Variants in L3MBTL4 observed in about 807,000 individuals in gnomAD.
L3MBTL4 encodes the protein L3MBTL histone methyl-lysine binding protein 4, also known as lethal(3)malignant brain tumor-like protein 4.
L3MBTL4 carries 70 observed loss-of-function variants against 84.5 expected under a neutral mutation model. That is an observed-to-expected ratio of 0.83 (90% confidence interval 0.68 to 1.01). The LOEUF is 1.01. L3MBTL4 is among the 50% of genes least tolerant of loss of function. L3MBTL4 has a pLI of 0.00. For missense variants in L3MBTL4, 715 were observed against 754.8 expected, an observed-to-expected ratio of 0.95 and a Z score of 0.62; for synonymous variants, 274 against 259.8, an observed-to-expected ratio of 1.05 and a Z score of -0.52.
intron 16 of L3MBTL4, among the ~76,000 whole-genome samples, chr18:6,063,531 G>GT (rs1434410366): frequency 6.6e-6 from 1 of 151,474 alleles, no homozygotes; most frequent in Non-Finnish European, 1.5e-5. Context: ...AACATCTATT[G>GT]TTTTTTTGAC....
intron 1 of L3MBTL4, among the ~76,000 whole-genome samples, chr18:6,349,545 T>C (rs2053079853): frequency 6.6e-6 from 1 of 151,848 alleles, no homozygotes; most frequent in African/African-American, 2.4e-5. Context: ...GAGCAACACA[T>C]TGAGAACCTG....
chr18:6,384,580 G>A (rs945081917), intron 1 of L3MBTL4, among the ~76,000 whole-genome samples: 2 of 152,106 alleles, frequency 1.3e-5, no homozygotes, highest in South Asian at 2.1e-4. Context: ...TAACAATGCC[G>A]CAATGATTTT....
chr18:6,385,065 A>C (rs929655911), intron 1 of L3MBTL4, among the ~76,000 whole-genome samples: 5 of 152,166 alleles, frequency 3.3e-5, no homozygotes, highest in Non-Finnish European at 5.9e-5. Flanking sequence ...CGTAAGTTCA[A>C]AGCAAAATAT....
chr18:6,253,760 A>G (rs1270025543), intron 5 of L3MBTL4, among the ~76,000 whole-genome samples: 1 of 152,194 alleles, frequency 6.6e-6, no homozygotes. Context: ...TTTTCATCAT[A>G]AAAGTCTATT....
At chr18:5,995,880 C>T (rs559420332) in intron 16 of L3MBTL4, among the ~76,000 whole-genome samples, 2 of 152,262 alleles carry the variant, frequency 1.3e-5, no homozygotes, top group African/African-American at 4.8e-5. Flanking sequence ...CGCTACTTAG[C>T]AACGCTGTCT....
intron 16 of L3MBTL4, among the ~76,000 whole-genome samples, chr18:6,042,918 AAT>A (rs2056463769): frequency 1.3e-5 from 2 of 152,136 alleles, no homozygotes; most frequent in Middle Eastern, 3.2e-3. Context: ...GGCCTCTCAA[AAT>A]GGTACACATT....
intron 15 of L3MBTL4, among the ~76,000 whole-genome samples, chr18:6,086,258 G>A (rs762053771): frequency 1.3e-5 from 2 of 152,090 alleles, no homozygotes; most frequent in African/African-American, 4.8e-5. Context: ...TCTGGGGTGC[G>A]GGAACACTAA....
intron 16 of L3MBTL4, among the ~76,000 whole-genome samples, chr18:6,021,878 C>A (rs891582830): frequency 5.3e-5 from 8 of 152,138 alleles, no homozygotes; most frequent in Non-Finnish European, 1.2e-4. Context: ...TCTAGTCCTT[C>A]CCTTCTACCT....
chr18:6,391,752 A>AACAACAACTACT (rs1555755552), intron 1 of L3MBTL4, among the ~76,000 whole-genome samples: 37 of 150,006 alleles, frequency 2.5e-4, no homozygotes, highest in African/African-American at 9.2e-4. Flanking sequence ...CAACAACAAC[A>AACAACAACTACT]ACTACTACTA....
At chr18:6,145,490 AAAG>A (rs904754738) in intron 13 of L3MBTL4, among the ~76,000 whole-genome samples, 54 of 152,044 alleles carry the variant, frequency 3.6e-4, no homozygotes, top group Admixed American at 2.3e-3. Flanking sequence ...CATCAAAAAA[AAAG>A]AAGAAGAAGA....
intron 1 of L3MBTL4, among the ~76,000 whole-genome samples, chr18:6,384,928 G>T (rs1479209191): frequency 6.6e-6 from 1 of 152,188 alleles, no homozygotes; most frequent in East Asian, 1.9e-4. Flanking sequence ...TAGAGACAGG[G>T]AGCAGGTAGA....
chr18:6,118,226 C>T (rs891730050), intron 14 of L3MBTL4, among the ~76,000 whole-genome samples: 4 of 152,022 alleles, frequency 2.6e-5, no homozygotes, highest in Non-Finnish European at 5.9e-5. Context: ...CACACACACA[C>T]ACGAGCACTT....
intron 13 of L3MBTL4, among the ~76,000 whole-genome samples, 173 bp downstream of exon 13, chr18:6,171,655 G>A (rs148051513): frequency 3.9e-5 from 6 of 152,282 alleles, no homozygotes; most frequent in African/African-American, 1.4e-4. Flanking sequence ...TTAACATAAC[G>A]CATGCCCTTT....
chr18:6,083,980 G>A (rs1727845694), intron 15 of L3MBTL4, among the ~76,000 whole-genome samples: 2 of 152,254 alleles, frequency 1.3e-5, no homozygotes, highest in South Asian at 4.1e-4. Flanking sequence ...CCCTTCACAA[G>A]ACAATACTAG....
intron 1 of L3MBTL4, among the ~76,000 whole-genome samples, chr18:6,360,926 T>C (rs1254285043): frequency 1.3e-5 from 2 of 151,604 alleles, no homozygotes; most frequent in African/African-American, 4.9e-5. Context: ...GGAGGTAGGA[T>C]TGCTTGAGCC....
rs71370547 is a variant in L3MBTL4, at chr18:6,196,157, C to CTTTTTTTTT, written c.981+16983_981+16991dup. Among the ~76,000 whole-genome samples the CTTTTTTTTT allele has an allele frequency of 6.1e-4, 80 of 130,192 alleles. 3 individuals are homozygous for CTTTTTTTTT. The highest frequency in any genetic ancestry group is 2.4e-3 in the African/African-American group (74 of 30,526). The allele number at this position is 130,192 out of a possible 152,430, so 85.4% of individuals were successfully genotyped here. On this transcript the variant is annotated intron_variant, in intron 12 of 18. Transcript: ENST00000317931. ...TCATTTGTGCCTATCTAGAGTTCCT[C>CTTTTTTTTT]TTTTTTTTTTTTTTTTTTGAGACTG...
chr18:6,202,786 T>C (rs762953388), intron 12 of L3MBTL4, among the ~76,000 whole-genome samples: 1 of 152,140 alleles, frequency 6.6e-6, no homozygotes, highest in Non-Finnish European at 1.5e-5. Flanking sequence ...AAAAGGTTTG[T>C]GTATTGAGGA....
intron 1 of L3MBTL4, among the ~76,000 whole-genome samples, chr18:6,411,780 C>A (rs903907049): frequency 1.3e-5 from 2 of 152,278 alleles, no homozygotes; most frequent in East Asian, 1.9e-4. Flanking sequence ...TTCCCCCGAT[C>A]CAACATCAGA....
intron 14 of L3MBTL4, among the ~76,000 whole-genome samples, chr18:6,134,675 A>T (rs1435748261): frequency 6.6e-6 from 1 of 152,260 alleles, no homozygotes; most frequent in Non-Finnish European, 1.5e-5. Context: ...TCCAGGTCTC[A>T]CATCCAAGCC....
Sources: allele counts gnomAD v4.1 joint callset (sites outside exome capture counted in the v4.1 genomes callset), GRCh38; gene constraint gnomAD v4.1.1; transcripts MANE v1.5; gene names NCBI Gene and HGNC (gene_info 2026-07-23, HGNC 2026-07-21).